The following GPLD1 variants were observed in gnomAD, a reference collection of about 807,000 sequenced individuals.
GPLD1 encodes glycosylphosphatidylinositol specific phospholipase D1, also known as phosphatidylinositol-glycan-specific phospholipase D.
GPLD1 carries 84 observed loss-of-function variants against 112.6 expected under a neutral mutation model. That is an observed-to-expected ratio of 0.75 (90% CI 0.63 to 0.89). GPLD1 has a LOEUF of 0.89. Ranked by LOEUF, GPLD1 falls within the 40% of genes least tolerant of loss-of-function variation. The pLI, the probability that GPLD1 is intolerant of heterozygous loss-of-function variation, is 0.00. For missense variants in GPLD1, 1,044 were observed against 1,051.5 expected, an observed-to-expected ratio of 0.99 and a Z score of 0.10; for synonymous variants, 386 against 403.8, an observed-to-expected ratio of 0.96 and a Z score of 0.53.
chr6:24,458,395 C>T (rs1763332262), intron 12 of GPLD1, among the ~76,000 whole-genome samples: 1 of 152,138 alleles, frequency 6.6e-6, no homozygotes, highest in Non-Finnish European at 1.5e-5. Flanking sequence ...CTACTATATG[C>T]CAGGTACCAC....
At chr6:24,472,919 G>C (rs1190465586) in intron 6 of GPLD1, among the ~76,000 whole-genome samples, 2 of 151,910 alleles carry the variant, frequency 1.3e-5, no homozygotes, top group East Asian at 3.9e-4. Context: ...GGGATTACAG[G>C]CATGCGCCAC....
At chr6:24,473,758 C>A in intron 5 of GPLD1, 91 bp from the exon 6 acceptor site, 1 of 765,622 alleles carries the variant, frequency 1.3e-6, no homozygotes, top group Non-Finnish European at 2.2e-6. Context: ...GAGATGACAG[C>A]TAACTCAATG....
chr6:24,438,169 G>A (rs1561830283), intron 20 of GPLD1, among the ~76,000 whole-genome samples: 1 of 152,224 alleles, frequency 6.6e-6, no homozygotes, highest in Non-Finnish European at 1.5e-5. Context: ...TCCTGCATCA[G>A]GCGCCCATTC....
rs183298019 is a variant in GPLD1 at position 24,453,561 on chromosome 6, G to A, written c.1335+454C>T. Among the ~76,000 whole-genome samples the A allele has an allele frequency of 6.0e-3, 919 of 152,172 alleles. 14 individuals are homozygous for A. The highest frequency in any genetic ancestry group is 0.02 in the African/African-American group (811 of 41,494). ...TGAGGCAGGAGAATTGCTTGAACCC[G>A]GGAGGCAGAGGTTGCAGTGAGCAGA... On this transcript the variant is annotated intron_variant, in intron 14 of 24. Transcript: ENST00000230036.
intron 7 of GPLD1, among the ~76,000 whole-genome samples, 175 bp downstream of exon 7, chr6:24,472,407 G>A (rs894540466): frequency 1.1e-4 from 17 of 152,146 alleles, no homozygotes; most frequent in Non-Finnish European, 2.2e-4. Context: ...ATTCAAAATT[G>A]AGTGGAATTC....
chr6:24,433,564 C>T, intron 22 of GPLD1, 175 bp from the exon 23 acceptor site: 1 of 527,310 alleles, frequency 1.9e-6, no homozygotes, highest in Non-Finnish European at 3.3e-6. Flanking sequence ...GTGATCTCAG[C>T]TCACTGCAAC....
At chr6:24,487,329 A>G (rs1764411035) in intron 1 of GPLD1, among the ~76,000 whole-genome samples, 1 of 151,044 alleles carries the variant, frequency 6.6e-6, no homozygotes. Flanking sequence ...ATTAGTAAAT[A>G]AATGATGGAG....
Position 24,462,801 on chromosome 6 carries a change from G to GA in GPLD1, c.822-7dup, listed in dbSNP as rs772590503. ...TCTCAGGCAGGTTGCAGTCACTGAG[G>GA]AAACAGTCAAATGAGTTAGCCATTT... On this transcript the variant is annotated splice_region_variant and splice_polypyrimidine_tract_variant and intron_variant, in intron 10 of 24. Transcript: ENST00000230036. The GA allele has an allele frequency of 7.5e-6, 12 of 1,605,374 alleles. No individual in the cohort carries two copies. In the South Asian group the frequency reaches 1.2e-4, roughly 16 times the overall value.
At chr6:24,429,523 T>G (rs966167023) in intron 24 of GPLD1, among the ~76,000 whole-genome samples, 4 of 152,190 alleles carry the variant, frequency 2.6e-5, no homozygotes, top group African/African-American at 9.6e-5. Flanking sequence ...CAGAATTGCC[T>G]TCAAAACCTG....
upstream of GPLD1, chr6:24,489,634 A>AC (rs144239390): frequency 0.019 from 28,879 of 1,483,220 alleles, 2,634 homozygotes; most frequent in African/African-American, 0.26. Context: ...GACCGAGGAA[A>AC]CCAAGCCTCA....
intron 15 of GPLD1, among the ~76,000 whole-genome samples, chr6:24,448,667 T>A (rs1334585624): frequency 6.6e-6 from 1 of 152,160 alleles, no homozygotes; most frequent in Non-Finnish European, 1.5e-5. Flanking sequence ...CAGAATGACT[T>A]ACTCAACTCC....
rs188260606 is a variant in GPLD1 at position 24,436,609 on chromosome 6, G to A, written c.2325C>T (p.Cys775=). The A allele has an allele frequency of 6.2e-7, 1 of 1,613,958 alleles. No individual in the cohort carries two copies. The highest frequency in any genetic ancestry group is 1.7e-5 in the Admixed American group (1 of 60,026). ...ETTLGDMTGK[C]KSWITPCPEE... ...CTGGACATGGAGTTATCCATGATTT[G>A]CATTTGCCAGTCATGTCACCAAGGG... is the stretch of plus-strand genomic sequence containing the variant. The change falls in exon 22 of 25, where the codon TGC becomes TGT. Residue 775 remains cysteine, a synonymous_variant. Coordinates refer to ENST00000230036, the MANE Select transcript of GPLD1 (RefSeq NM_001503.4).
intron 22 of GPLD1, chr6:24,435,839 A>AAAAAAAAAAAAAAAAAAAAAAAAAT: frequency 6.7e-6 from 1 of 149,750 alleles, no homozygotes; most frequent in Non-Finnish European, 1.5e-5. Context: ...AAAAAAAAAA[A>AAAAAAAAAAAAAAAAAAAAAAAAAT]AAAAAAAAGT....
At chr6:24,447,826 C>A in intron 17 of GPLD1, 51 bp downstream of exon 17, 2 of 1,571,312 alleles carry the variant, frequency 1.3e-6, no homozygotes, top group Non-Finnish European at 1.7e-6. Flanking sequence ...GATAAGTTGT[C>A]GTAGACACAC....
chr6:24,457,339 A>C (rs1427238376), intron 12 of GPLD1, among the ~76,000 whole-genome samples: 1 of 151,726 alleles, frequency 6.6e-6, no homozygotes, highest in Non-Finnish European at 1.5e-5. Context: ...AAATTAGCCG[A>C]GTGTGGTGGA....
At chr6:24,486,507 G>A (rs1432643010) in intron 1 of GPLD1, among the ~76,000 whole-genome samples, 2 of 152,096 alleles carry the variant, frequency 1.3e-5, no homozygotes, top group Non-Finnish European at 2.9e-5. Context: ...CTGACACTTG[G>A]TAGGAGCTCA....
chr6:24,431,354 A>C (rs1762398909), intron 24 of GPLD1, among the ~76,000 whole-genome samples: 1 of 152,122 alleles, frequency 6.6e-6, no homozygotes, highest in Non-Finnish European at 1.5e-5. Flanking sequence ...CACTGTAAAG[A>C]CTTATTCTTC....
intron 21 of GPLD1, 40 bp from the exon 22 acceptor site, chr6:24,436,776 C>G (rs749841735): frequency 6.3e-7 from 1 of 1,595,094 alleles, no homozygotes; most frequent in Non-Finnish European, 8.6e-7. Flanking sequence ...GTATTTGACT[C>G]CTCACTGTCA....
intron 10 of GPLD1, among the ~76,000 whole-genome samples, chr6:24,464,487 G>T (rs535824531): frequency 6.6e-6 from 1 of 152,126 alleles, no homozygotes; most frequent in Admixed American, 6.6e-5. Context: ...GTTACTCACC[G>T]ATTGTTAAAA....
Sources: gnomAD v4.1 joint callset for allele counts (sites outside exome capture counted in the v4.1 genomes callset) on GRCh38, gnomAD v4.1.1 for gene constraint, MANE v1.5 for transcripts, NCBI Gene and HGNC (gene_info 2026-07-23, HGNC 2026-07-21) for gene names.